The following ANO2 variants were observed in gnomAD, a reference collection of about 807,000 sequenced individuals.
ANO2 encodes anoctamin 2, also known as anoctamin-2.
A neutral mutation model predicts 124.2 loss-of-function variants in ANO2; 101 were observed. The ratio of observed to expected loss-of-function variants is 0.81; its 90% confidence interval spans 0.69 to 0.96. The LOEUF (loss-of-function observed/expected upper bound fraction) is 0.96. ANO2 is among the 40% of genes least tolerant of loss of function. The pLI, the probability that ANO2 is intolerant of heterozygous loss-of-function variation, is 0.00. For missense variants in ANO2, 1,293 were observed against 1,274.5 expected, an observed-to-expected ratio of 1.01 and a Z score of -0.22; for synonymous variants, 486 against 482.5, an observed-to-expected ratio of 1.01 and a Z score of -0.09.
At chr12:5,713,707 G>A (rs1189706809) in intron 14 of ANO2, among the ~76,000 whole-genome samples, 1 of 152,186 alleles carries the variant, frequency 6.6e-6, no homozygotes, top group Non-Finnish European at 1.5e-5. Context: ...TTGTTACCAA[G>A]ACTCACACTG....
chr12:5,683,374 G>A (rs1005800247), intron 14 of ANO2, among the ~76,000 whole-genome samples: 2 of 152,098 alleles, frequency 1.3e-5, no homozygotes, highest in Non-Finnish European at 2.9e-5. Flanking sequence ...AAATATCAAG[G>A]AAATGCAATG....
chr12:5,807,154 G>C (rs560925261), intron 8 of ANO2, among the ~76,000 whole-genome samples, 159 bp downstream of exon 8: 31 of 152,286 alleles, frequency 2.0e-4, no homozygotes, highest in Admixed American at 1.8e-3. Context: ...GGGGATTATT[G>C]TCAGCAATGA....
intron 3 of ANO2, among the ~76,000 whole-genome samples, chr12:5,876,622 C>T (rs1268251139): frequency 3.3e-5 from 5 of 152,176 alleles, no homozygotes; most frequent in Non-Finnish European, 5.9e-5. Flanking sequence ...AATTGTGGCA[C>T]ATATACACCA....
chr12:5,800,720 G>A (rs1669200003), intron 9 of ANO2, among the ~76,000 whole-genome samples: 1 of 152,220 alleles, frequency 6.6e-6, no homozygotes, highest in South Asian at 2.1e-4. Flanking sequence ...GAAATTAAGA[G>A]CTCACTTGGG....
At position 5,873,244 on chromosome 12, in the gene ANO2, T is replaced by TCTCTCTCTCC. The variant is rs1253108658; in HGVS notation, c.535-19104_535-19103insGGAGAGAGAG. 2.1e-3 allele frequency among the ~76,000 whole-genome samples: 303 copies of TCTCTCTCTCC among 141,798 alleles called. 11 individuals are homozygous for TCTCTCTCTCC. Among genetic ancestry groups the TCTCTCTCTCC allele is most frequent in the African/African-American group, 8.4e-3 (286 of 34,200 alleles). 93.0% of individuals were successfully genotyped at this position (141,798 alleles called of 152,430 possible). A position where few individuals can be genotyped will look rare whatever the true frequency, so the allele number is the denominator to read the frequency against. On this transcript the variant is annotated intron_variant, in intron 3 of 24. Transcript: ENST00000682330. Reference sequence around the variant, plus strand: ...CTCTCTCTCTCTCTCTCTCTCTCTCTCTGTCTGTCTCTCTCCCTTTCTCTC... The same window carrying TCTCTCTCTCC: ...CTCTCTCTCTCTCTCTCTCTCTCTCTCTCTCTCTCCCTGTCTGTCTCTCTCCCTTTCTCTC...
At chr12:5,893,398 G>T (rs1939540291) in intron 3 of ANO2, among the ~76,000 whole-genome samples, 1 of 150,802 alleles carries the variant, frequency 6.6e-6, no homozygotes, top group Non-Finnish European at 1.5e-5. Context: ...CAAAAAGAAA[G>T]AAAACACATA....
intron 16 of ANO2, among the ~76,000 whole-genome samples, chr12:5,632,491 T>C (rs746360645): frequency 2.0e-5 from 3 of 152,026 alleles, no homozygotes; most frequent in Non-Finnish European, 4.4e-5. Context: ...AAAATGTGCT[T>C]GTTAGGATTT....
chr12:5,945,317 C>T, upstream of ANO2: 3 of 1,046,280 alleles, frequency 2.9e-6, no homozygotes, highest in Non-Finnish European at 3.5e-6. Flanking sequence ...CGTCCCGGCG[C>T]GCCCGCCCCT....
chr12:5,822,542 G>C (rs1160975656), intron 7 of ANO2, among the ~76,000 whole-genome samples: 1 of 152,176 alleles, frequency 6.6e-6, no homozygotes, highest in Non-Finnish European at 1.5e-5. Context: ...AGGCTGACCT[G>C]GCTACAGCCA....
At chr12:5,766,794 T>C (rs1951904639) in intron 10 of ANO2, among the ~76,000 whole-genome samples, 1 of 152,176 alleles carries the variant, frequency 6.6e-6, no homozygotes, top group Non-Finnish European at 1.5e-5. Context: ...CTACATTCAG[T>C]TCAGGTCAAG....
intron 10 of ANO2, among the ~76,000 whole-genome samples, chr12:5,790,007 C>T (rs1366342513): frequency 6.6e-6 from 1 of 152,202 alleles, no homozygotes; most frequent in East Asian, 1.9e-4. Context: ...CGGGATCAAA[C>T]AGTTGAGCCG....
chr12:5,850,760 A>G (rs1954864739), intron 4 of ANO2, among the ~76,000 whole-genome samples: 2 of 152,304 alleles, frequency 1.3e-5, no homozygotes, highest in East Asian at 1.9e-4. Context: ...TGCCTCTCCA[A>G]GGACTTTCTT....
chr12:5,620,225 T>C (rs1034669687), intron 16 of ANO2, among the ~76,000 whole-genome samples: 5 of 152,218 alleles, frequency 3.3e-5, no homozygotes, highest in Non-Finnish European at 7.3e-5. Context: ...ATTTCTAAGC[T>C]GTAGATACAG....
At position 5,862,269 on chromosome 12, in the gene ANO2, C is replaced by T. The variant is rs1057368002; in HGVS notation, c.535-8128G>A. On this transcript the variant is annotated intron_variant, in intron 3 of 24. Transcript: ENST00000682330. The surrounding 1 kb of genome is among the most constrained non-coding windows in gnomAD (Gnocchi z 4.0). ...AATCAGCAGAGGCAGAAGACAGAGC[C>T]AAATGCCCACCAAGCCCCATCCCAG... Among the ~76,000 whole-genome samples, 7 of 152,152 alleles carry T rather than the reference C, an allele frequency of 4.6e-5. No homozygotes were observed. Among genetic ancestry groups the T allele is most frequent in the African/African-American group, 1.7e-4 (7 of 41,428 alleles).
At chr12:5,664,411 A>C (rs1240352362) in intron 14 of ANO2, among the ~76,000 whole-genome samples, 1 of 152,094 alleles carries the variant, frequency 6.6e-6, no homozygotes, top group Non-Finnish European at 1.5e-5. Context: ...ATCCATCCAT[A>C]CATGCATCCA....
At chr12:5,591,338 T>C (rs1943385639) in intron 20 of ANO2, among the ~76,000 whole-genome samples, 2 of 152,146 alleles carry the variant, frequency 1.3e-5, no homozygotes, top group Admixed American at 6.5e-5. Context: ...TAGTAAGTGA[T>C]TTCAGAGGAA....
chr12:5,598,178 G>T (rs570144847), intron 20 of ANO2, among the ~76,000 whole-genome samples: 2 of 152,262 alleles, frequency 1.3e-5, no homozygotes, highest in South Asian at 4.1e-4. Flanking sequence ...GCACAAAAAG[G>T]TACTGACGGC....
rs551206064 is a variant in ANO2, at chr12:5,612,800, A to G, written c.1987-44T>C. The G allele has an allele frequency of 1.0e-4, 162 of 1,609,536 alleles. 1 individual carries two copies. The South Asian group carries it at 1.7e-3, about 17-fold the overall frequency. The stretch of plus-strand genomic sequence containing the variant: ...GAAAGGACCGGTTAGAACAAAAGGG[A>G]GCTCTGAGAAGCAGGGGCGCGAATG... On this transcript the variant is annotated intron_variant, in intron 18 of 24. Transcript: ENST00000682330.
chr12:5,760,018 T>G (rs1041110693), intron 10 of ANO2, among the ~76,000 whole-genome samples: 1 of 152,174 alleles, frequency 6.6e-6, no homozygotes, highest in East Asian at 1.9e-4. Flanking sequence ...AAGTAAGAGA[T>G]ATTTTTGCTA....
Sources: allele counts gnomAD v4.1 joint callset (sites outside exome capture counted in the v4.1 genomes callset), GRCh38; gene constraint gnomAD v4.1.1; non-coding constraint Gnocchi (gnomAD v3.1); transcripts MANE v1.5; gene names NCBI Gene and HGNC (gene_info 2026-07-23, HGNC 2026-07-21).